The following UNC5C variants were observed in gnomAD, a reference collection of about 807,000 sequenced individuals.
The protein encoded by UNC5C is unc-5 netrin receptor C.
In UNC5C, 47 loss-of-function variants were observed where a neutral mutation model predicts 99.8. The observed-to-expected ratio is 0.47, with a 90% confidence interval of 0.37 to 0.60. The LOEUF (loss-of-function observed/expected upper bound fraction) is 0.60. Among genes scored for constraint, UNC5C ranks in the 20% least tolerant of loss-of-function variants. The pLI, the probability that UNC5C is intolerant of heterozygous loss-of-function variation, is 0.00. For missense variants in UNC5C, 1,062 were observed against 1,165.9 expected (o/e 0.91, Z 1.30); for synonymous variants, 487 against 452.2 (o/e 1.08, Z -0.98).
intron 1 of UNC5C, among the ~76,000 whole-genome samples, chr4:95,447,631 G>A (rs1233238205): frequency 6.6e-6 from 1 of 152,140 alleles, no homozygotes; most frequent in African/African-American, 2.4e-5. Flanking sequence ...CTCCCGAGTA[G>A]CTGGGATTAC....
intron 1 of UNC5C, among the ~76,000 whole-genome samples, chr4:95,490,510 G>T (rs536066873): frequency 6.6e-6 from 1 of 151,488 alleles, no homozygotes; most frequent in Non-Finnish European, 1.5e-5. Flanking sequence ...TATGAAATAA[G>T]GCATAAGTAA....
intron 1 of UNC5C, among the ~76,000 whole-genome samples, chr4:95,384,509 C>T (rs543599235): frequency 8.5e-5 from 13 of 152,112 alleles, no homozygotes; most frequent in African/African-American, 2.9e-4. Context: ...AGAGCAGGTA[C>T]GAAGAACGTC....
At chr4:95,490,494 T>C (rs1200768583) in intron 1 of UNC5C, among the ~76,000 whole-genome samples, 1 of 151,752 alleles carries the variant, frequency 6.6e-6, no homozygotes, top group Non-Finnish European at 1.5e-5. Context: ...TCTGCATGTA[T>C]ATATCTATGA....
intron 3 of UNC5C, among the ~76,000 whole-genome samples, chr4:95,281,080 T>C (rs1291285570): frequency 6.6e-6 from 1 of 152,208 alleles, no homozygotes; most frequent in Non-Finnish European, 1.5e-5. Context: ...AAGTATATCT[T>C]GTTTGTAAAA....
chr4:95,264,974 A>G (rs896933741), intron 4 of UNC5C, among the ~76,000 whole-genome samples: 1 of 151,758 alleles, frequency 6.6e-6, no homozygotes, highest in Non-Finnish European at 1.5e-5. Context: ...TCCTCCTTCT[A>G]CTTTATATCA....
intron 1 of UNC5C, among the ~76,000 whole-genome samples, chr4:95,491,047 A>G (rs569830934): frequency 2.6e-5 from 4 of 151,690 alleles, no homozygotes; most frequent in Admixed American, 2.0e-4. Context: ...GAACAAATCA[A>G]TGGGAAGGTG....
At chr4:95,186,377 G>A (rs556715132) in intron 12 of UNC5C, among the ~76,000 whole-genome samples, 5 of 152,302 alleles carry the variant, frequency 3.3e-5, no homozygotes, top group East Asian at 1.9e-4. Flanking sequence ...CAGGTGGGTC[G>A]CAGTGGAGGA....
intron 7 of UNC5C, among the ~76,000 whole-genome samples, chr4:95,228,775 A>G (rs1738788817): frequency 6.6e-6 from 1 of 152,240 alleles, no homozygotes; most frequent in African/African-American, 2.4e-5. Flanking sequence ...TTTGGACTGT[A>G]AAATATCTCT....
intron 1 of UNC5C, among the ~76,000 whole-genome samples, chr4:95,368,127 T>A (rs1024312394): frequency 6.6e-6 from 1 of 152,108 alleles, no homozygotes; most frequent in Non-Finnish European, 1.5e-5. Context: ...TTTTGACGTC[T>A]AAAATAACAC....
chr4:95,211,863 A>T (rs546764981), intron 10 of UNC5C, among the ~76,000 whole-genome samples: 2 of 152,298 alleles, frequency 1.3e-5, no homozygotes, highest in East Asian at 3.9e-4. Flanking sequence ...ATAAATGAAC[A>T]TTGTCAAGAA....
chr4:95,316,643 C>T (rs1742487333), intron 2 of UNC5C, among the ~76,000 whole-genome samples: 1 of 152,072 alleles, frequency 6.6e-6, no homozygotes, highest in Non-Finnish European at 1.5e-5. Context: ...AGAATAGAAC[C>T]ACTGCTTTCT....
chr4:95,267,809 AT>A (rs777030862), intron 4 of UNC5C, among the ~76,000 whole-genome samples: 54 of 151,766 alleles, frequency 3.6e-4, no homozygotes, highest in Non-Finnish European at 6.0e-4. Flanking sequence ...AAAAAAAATC[AT>A]TTTTTCCCCA....
chr4:95,476,555 T>C (rs1366814843), intron 1 of UNC5C, among the ~76,000 whole-genome samples: 1 of 152,110 alleles, frequency 6.6e-6, no homozygotes, highest in Non-Finnish European at 1.5e-5. Flanking sequence ...TTGTCCCTAT[T>C]ACCTTTGCTA....
At chr4:95,539,753 G>T (rs1417406064) in intron 1 of UNC5C, among the ~76,000 whole-genome samples, 1 of 151,890 alleles carries the variant, frequency 6.6e-6, no homozygotes, top group African/African-American at 2.4e-5. Context: ...TTAAGAATCG[G>T]CCTGGAAACA....
intron 1 of UNC5C, among the ~76,000 whole-genome samples, chr4:95,461,073 T>C (rs1481666792): frequency 6.6e-6 from 1 of 152,238 alleles, no homozygotes; most frequent in Non-Finnish European, 1.5e-5. Flanking sequence ...AACATGTTCA[T>C]AAATCATAAT....
chr4:95,407,359 T>C (rs1745859711), intron 1 of UNC5C, among the ~76,000 whole-genome samples: 1 of 151,872 alleles, frequency 6.6e-6, no homozygotes, highest in Non-Finnish European at 1.5e-5. Context: ...TACAATGGGA[T>C]GTGAGGAATT....
intron 4 of UNC5C, among the ~76,000 whole-genome samples, chr4:95,256,653 T>C (rs1739994404): frequency 6.8e-6 from 1 of 147,742 alleles, no homozygotes; most frequent in African/African-American, 2.5e-5. Flanking sequence ...AGTCAGAGCA[T>C]ACTATATGTA....
intron 7 of UNC5C, among the ~76,000 whole-genome samples, chr4:95,227,364 G>A (rs1738739351): frequency 6.6e-6 from 1 of 151,886 alleles, no homozygotes; most frequent in African/African-American, 2.4e-5. Flanking sequence ...TGTTGCCCAG[G>A]CTGGTTTTGA....
rs1579386042 is a variant in UNC5C at position 95,401,673 on chromosome 4, A to G, written c.125-66042T>C. On this transcript the variant is annotated intron_variant, in intron 1 of 15. Transcript: ENST00000453304. ...CATATATGTTCAGCGCCTCTTCGTG[A>G]TATTTTCAGTCTAACCCTGAGAAGC... 3.3e-5 allele frequency among the ~76,000 whole-genome samples: 5 copies of G among 152,292 alleles called. 1 individual carries two copies. The Middle Eastern group carries it at 0.014, about 414-fold the overall frequency.
Sources: gnomAD v4.1 joint callset for allele counts (sites outside exome capture counted in the v4.1 genomes callset) on GRCh38, gnomAD v4.1.1 for gene constraint, MANE v1.5 for transcripts, NCBI Gene and HGNC (gene_info 2026-07-23, HGNC 2026-07-21) for gene names.